The following RGPD2 variants were observed in gnomAD, a reference collection of about 807,000 sequenced individuals.
The protein encoded by RGPD2 is RANBP2 like and GRIP domain containing 2.
In RGPD2, 2 loss-of-function variants were observed where a neutral mutation model predicts 36.0. The ratio of observed to expected loss-of-function variants is 0.06; its 90% CI spans 0.02 to 0.17. RGPD2 has a LOEUF of 0.17. Ranked by LOEUF, RGPD2 falls within the 10% of genes least tolerant of loss-of-function variation. RGPD2 has a pLI of 1.00. For synonymous variants in RGPD2, 19 were observed against 163.8 expected (o/e 0.12, Z 6.75); for missense variants, 40 against 464.3 (o/e 0.09, Z 8.40).
the RGPD2 span, among the ~76,000 whole-genome samples, chr2:87,847,272 C>T: frequency 6.6e-6 from 1 of 152,176 alleles, no homozygotes; most frequent in Non-Finnish European, 1.5e-5. Flanking sequence ...CTAGAATTCT[C>T]ATATCTATAT....
chr2:87,922,873 T>A, the RGPD2 span, among the ~76,000 whole-genome samples: 1 of 152,148 alleles, frequency 6.6e-6, no homozygotes, highest in African/African-American at 2.4e-5. Flanking sequence ...TTGAATCTGA[T>A]CCCAATGCAT....
intron 1 of RGPD2, 124 bp downstream of exon 1, chr2:87,825,534 A>ACGCCC (rs1686738004): frequency 1.8e-6 from 1 of 563,108 alleles, no homozygotes; most frequent in Non-Finnish European, 2.0e-6. Flanking sequence ...GCCGAGGCCG[A>ACGCCC]GGCCGAGGCC....
chr2:87,849,103 T>C, the RGPD2 span, among the ~76,000 whole-genome samples: 1 of 151,964 alleles, frequency 6.6e-6, no homozygotes, highest in African/African-American at 2.4e-5. Flanking sequence ...GCCAAAACGA[T>C]AATTTATGGA....
the RGPD2 span, among the ~76,000 whole-genome samples, chr2:87,872,966 G>T: frequency 6.6e-6 from 1 of 152,260 alleles, no homozygotes; most frequent in East Asian, 1.9e-4. Flanking sequence ...CACCATGTTG[G>T]CCAGGCTGGT....
chr2:87,986,367 T>C, the RGPD2 span, among the ~76,000 whole-genome samples: 14 of 147,882 alleles, frequency 9.5e-5, no homozygotes, highest in African/African-American at 3.2e-4. Context: ...ACTCCTGACC[T>C]CATGATCCAC....
chr2:87,965,971 G>GA, the RGPD2 span, among the ~76,000 whole-genome samples: 1 of 128,048 alleles, frequency 7.8e-6, no homozygotes, highest in African/African-American at 2.6e-5. Context: ...GGTACACCAA[G>GA]AAAAAAATAT....
the RGPD2 span, among the ~76,000 whole-genome samples, chr2:87,932,046 T>C: frequency 2.3e-5 from 3 of 132,380 alleles, no homozygotes; most frequent in Admixed American, 2.3e-4. Flanking sequence ...TCTAGTATTG[T>C]CAGTGGGGTG....
chr2:87,974,004 T>C, the RGPD2 span, among the ~76,000 whole-genome samples: 1 of 152,326 alleles, frequency 6.6e-6, no homozygotes, highest in South Asian at 2.1e-4. Flanking sequence ...TCTAAAAAAC[T>C]GAAGCAGGGT....
the RGPD2 span, among the ~76,000 whole-genome samples, chr2:87,958,481 T>A: frequency 3.9e-5 from 6 of 152,386 alleles, no homozygotes; most frequent in South Asian, 1.0e-3. Flanking sequence ...ATACACCACA[T>A]ATGTGCAGAA....
the RGPD2 span, among the ~76,000 whole-genome samples, chr2:87,985,012 T>C: frequency 9.0e-5 from 13 of 143,966 alleles, no homozygotes; most frequent in African/African-American, 3.4e-4. Context: ...GGAAAAGGGG[T>C]AATTACAGTC....
the RGPD2 span, among the ~76,000 whole-genome samples, chr2:87,921,241 G>C: frequency 6.6e-6 from 1 of 152,094 alleles, no homozygotes; most frequent in Non-Finnish European, 1.5e-5. Context: ...GGATTACAGA[G>C]GATGCTTAGC....
the RGPD2 span, among the ~76,000 whole-genome samples, chr2:87,844,414 T>C: frequency 2.6e-5 from 4 of 151,560 alleles, no homozygotes; most frequent in Admixed American, 6.6e-5. Context: ...TTCTTGATTG[T>C]TTAGATATTA....
At chr2:87,807,426 G>A (rs934477746) in intron 6 of RGPD2, among the ~76,000 whole-genome samples, 3 of 124,900 alleles carry the variant, frequency 2.4e-5, no homozygotes, top group African/African-American at 6.0e-5. Context: ...TCTCACTATC[G>A]CCTGGGCTGG....
chr2:87,927,614 G>A, the RGPD2 span, among the ~76,000 whole-genome samples: 1 of 151,160 alleles, frequency 6.6e-6, no homozygotes, highest in Non-Finnish European at 1.5e-5. Flanking sequence ...AACATCTACA[G>A]ATATGTTTTG....
At chr2:87,870,345 C>G in the RGPD2 span, among the ~76,000 whole-genome samples, 2 of 152,266 alleles carry the variant, frequency 1.3e-5, no homozygotes, top group Admixed American at 6.5e-5. Flanking sequence ...TTGTCTAACT[C>G]TTTACACACC....
the RGPD2 span, among the ~76,000 whole-genome samples, chr2:87,953,528 G>T: frequency 2.6e-5 from 1 of 38,668 alleles, no homozygotes; most frequent in Non-Finnish European, 6.2e-5. Flanking sequence ...TTTATTTATT[G>T]ACCTAGCTGC....
the RGPD2 span, among the ~76,000 whole-genome samples, chr2:87,985,030 A>AT: frequency 9.6e-5 from 14 of 145,164 alleles, no homozygotes; most frequent in African/African-American, 3.1e-4. Flanking sequence ...GTCTAGAGTG[A>AT]TTTTTTTTCA....
chr2:87,820,126 T>C (rs1574025938), intron 1 of RGPD2, among the ~76,000 whole-genome samples: 1 of 37,122 alleles, frequency 2.7e-5, no homozygotes, highest in Non-Finnish European at 4.8e-5. Flanking sequence ...TGATTCCATC[T>C]CAAAAAAAAA....
chr2:87,858,148 C>CGG, the RGPD2 span, among the ~76,000 whole-genome samples: 7 of 152,034 alleles, frequency 4.6e-5, no homozygotes, highest in African/African-American at 1.7e-4. Context: ...CATGGTGGTG[C>CGG]GTGCCTGTAA....
Sources: gnomAD v4.1 joint callset for allele counts (sites outside exome capture counted in the v4.1 genomes callset) on GRCh38, gnomAD v4.1.1 for gene constraint, MANE v1.5 for transcripts, NCBI Gene and HGNC (gene_info 2026-07-23, HGNC 2026-07-21) for gene names.